CLSTN2: variants seen among roughly 807,000 people sequenced by gnomAD.
CLSTN2 encodes calsyntenin 2.
In CLSTN2, 48 loss-of-function variants were observed where a neutral mutation model predicts 101.2. That is an observed-to-expected ratio of 0.47 (90% CI 0.38 to 0.60). The LOEUF (loss-of-function observed/expected upper bound fraction) is 0.60, where lower values mean the gene tolerates loss of function less well. CLSTN2 is among the 20% of genes least tolerant of loss of function. The probability of loss-of-function intolerance (pLI) is 0.00; values close to 1 mark genes in which losing one functional copy is unlikely to be tolerated. For missense variants in CLSTN2, 1,160 were observed against 1,238.2 expected (o/e 0.94, Z 0.95); for synonymous variants, 481 against 463.6 (o/e 1.04, Z -0.48).
At chr3:140,142,677 T>G (rs191128649) in intron 1 of CLSTN2, among the ~76,000 whole-genome samples, 1 of 152,354 alleles carries the variant, frequency 6.6e-6, no homozygotes, top group Non-Finnish European at 1.5e-5. Flanking sequence ...AAATTCCTGC[T>G]CAAATAATGA....
In CLSTN2 at chr3:140,558,775, C is replaced by T. The variant is rs762132542; in HGVS notation, c.1959C>T (p.Ala653=). Residue 653 remains alanine (A), a synonymous_variant, in exon 12 of 17, where the codon GCC becomes GCT. Coordinates refer to ENST00000458420, the MANE Select transcript of CLSTN2 (RefSeq NM_022131.3). ...GACCTGCTGCCCAGTTTGAAAGTGCCAGGGGAGTGACCCTCTTCCCTGATA... is the reference window on the plus strand; with the variant it reads ...GACCTGCTGCCCAGTTTGAAAGTGCTAGGGGAGTGACCCTCTTCCCTGATA... ...FWRPAAQFES[A]RGVTLFPDIK... 6.2e-7 allele frequency: 1 copy of T among 1,613,906 alleles called. No individual in the cohort carries two copies. The highest frequency in any genetic ancestry group is 2.2e-5 in the East Asian group (1 of 44,868).
intron 8 of CLSTN2, among the ~76,000 whole-genome samples, chr3:140,501,140 G>C (rs563936571): frequency 4.6e-5 from 7 of 152,146 alleles, no homozygotes; most frequent in Non-Finnish European, 1.0e-4. Flanking sequence ...AGTCACTCTC[G>C]CTCCCTCCAC....
chr3:140,514,845 G>A (rs1164363099), intron 8 of CLSTN2, among the ~76,000 whole-genome samples: 1 of 152,138 alleles, frequency 6.6e-6, no homozygotes, highest in East Asian at 1.9e-4. Flanking sequence ...GAAGTAAGGT[G>A]GAATTGCATG....
chr3:140,246,705 G>T (rs577505865), intron 2 of CLSTN2, among the ~76,000 whole-genome samples: 87 of 152,242 alleles, frequency 5.7e-4, no homozygotes, highest in African/African-American at 2.0e-3. Context: ...TCAGTCTAAG[G>T]GCTGGGAAGA....
At chr3:140,457,420 A>G (rs181959615) in intron 6 of CLSTN2, among the ~76,000 whole-genome samples, 38 of 152,358 alleles carry the variant, frequency 2.5e-4, no homozygotes, top group African/African-American at 8.9e-4. Context: ...TTCCAGGGGT[A>G]CTAGGAAAAT....
At chr3:140,129,282 G>A (rs1311888363) in intron 1 of CLSTN2, among the ~76,000 whole-genome samples, 1 of 152,098 alleles carries the variant, frequency 6.6e-6, no homozygotes, top group Non-Finnish European at 1.5e-5. Context: ...ATAAGACAAA[G>A]CAGGAATAAT....
chr3:140,445,151 C>T (rs1362230407), intron 5 of CLSTN2, among the ~76,000 whole-genome samples: 1 of 152,178 alleles, frequency 6.6e-6, no homozygotes, highest in Non-Finnish European at 1.5e-5. Flanking sequence ...TCTTTTATAC[C>T]TGATTTCTCC....
intron 2 of CLSTN2, among the ~76,000 whole-genome samples, chr3:140,205,672 G>A (rs1238900963): frequency 7.2e-6 from 1 of 138,764 alleles, no homozygotes; most frequent in African/African-American, 2.7e-5. Context: ...ACAATTACAG[G>A]TCTTGTATAG....
intron 1 of CLSTN2, among the ~76,000 whole-genome samples, chr3:140,125,584 G>A (rs991915857): frequency 1.3e-5 from 2 of 152,082 alleles, no homozygotes; most frequent in African/African-American, 4.8e-5. Context: ...GAGTGTGGGT[G>A]TTTTAAATAG....
At chr3:140,240,172 C>CTATA (rs1456012774) in intron 2 of CLSTN2, among the ~76,000 whole-genome samples, 6 of 13,762 alleles carry the variant, frequency 4.4e-4, no homozygotes, top group East Asian at 0.023. Flanking sequence ...CTCTCTCTCT[C>CTATA]TCTATATATA....
intron 1 of CLSTN2, among the ~76,000 whole-genome samples, chr3:140,082,793 G>A (rs2008620527): frequency 6.6e-6 from 1 of 152,140 alleles, no homozygotes; most frequent in African/African-American, 2.4e-5. Flanking sequence ...TAGGTTCTAG[G>A]GATATGAGGA....
intron 8 of CLSTN2, chr3:140,507,151 G>A (rs1934700714): frequency 6.6e-6 from 1 of 152,088 alleles, no homozygotes; most frequent in Admixed American, 6.5e-5. Context: ...ATAACTGAGG[G>A]CCATGAGTTA....
At chr3:139,981,897 G>C (rs954536347) in intron 1 of CLSTN2, among the ~76,000 whole-genome samples, 10 of 152,298 alleles carry the variant, frequency 6.6e-5, no homozygotes, top group African/African-American at 2.2e-4. Context: ...AATTCTGTCT[G>C]TTTCCAAGGC....
At chr3:140,034,065 A>G (rs1475189224) in intron 1 of CLSTN2, among the ~76,000 whole-genome samples, 3 of 152,244 alleles carry the variant, frequency 2.0e-5, no homozygotes, top group Non-Finnish European at 4.4e-5. Context: ...GTATGACTCT[A>G]TATTAAAAAC....
chr3:140,545,897 C>A (rs1252323005), intron 9 of CLSTN2, among the ~76,000 whole-genome samples: 1 of 152,158 alleles, frequency 6.6e-6, no homozygotes, highest in South Asian at 2.1e-4. Context: ...TGAATTTAAG[C>A]ACGGGTGGAA....
chr3:140,531,808 C>T (rs1701184633), intron 8 of CLSTN2, among the ~76,000 whole-genome samples: 1 of 152,198 alleles, frequency 6.6e-6, no homozygotes, highest in African/African-American at 2.4e-5. Context: ...ACTAAGCTGC[C>T]TTCTGTAGCC....
chr3:140,261,259 T>C (rs1305660144), intron 2 of CLSTN2, among the ~76,000 whole-genome samples: 1 of 152,176 alleles, frequency 6.6e-6, no homozygotes, highest in East Asian at 1.9e-4. Flanking sequence ...CTATATTTAA[T>C]CATTTATTTT....
intron 1 of CLSTN2, among the ~76,000 whole-genome samples, chr3:139,941,213 T>C (rs978215361): frequency 2.0e-5 from 3 of 152,028 alleles, no homozygotes; most frequent in Non-Finnish European, 4.4e-5. Context: ...GGGTAGACCA[T>C]GGGGAGGCCT....
At chr3:140,226,072 C>T (rs2086317298) in intron 2 of CLSTN2, among the ~76,000 whole-genome samples, 1 of 152,172 alleles carries the variant, frequency 6.6e-6, no homozygotes, top group Admixed American at 6.6e-5. Flanking sequence ...TATACAACCA[C>T]CTGGGTGAAT....
Sources: gnomAD v4.1 joint callset for allele counts (sites outside exome capture counted in the v4.1 genomes callset) on GRCh38, gnomAD v4.1.1 for gene constraint, MANE v1.5 for transcripts, NCBI Gene and HGNC (gene_info 2026-07-23, HGNC 2026-07-21) for gene names.